ST6GALNAC3: variants seen among roughly 807,000 people sequenced by gnomAD.
ST6GALNAC3 encodes the protein alpha-N-acetylgalactosaminide alpha-2,6-sialyltransferase 3.
In ST6GALNAC3, 25 loss-of-function variants were observed where a neutral mutation model predicts 32.7. The observed-to-expected ratio is 0.76, with a 90% confidence interval of 0.56 to 1.07. The LOEUF is 1.07. Ranked by LOEUF, ST6GALNAC3 falls within the 50% of genes least tolerant of loss-of-function variation. The pLI is 0.00. For missense variants in ST6GALNAC3, 355 were observed against 382.4 expected, an observed-to-expected ratio of 0.93 and a Z score of 0.60; for synonymous variants, 129 against 133.1, an observed-to-expected ratio of 0.97 and a Z score of 0.21.
intron 3 of ST6GALNAC3, among the ~76,000 whole-genome samples, chr1:76,529,076 A>C (rs1663093492): frequency 6.6e-6 from 1 of 152,012 alleles, no homozygotes; most frequent in Non-Finnish European, 1.5e-5. Context: ...GTTGAAGATG[A>C]AGATGAAGGC....
At chr1:76,591,183 G>A (rs1468239435) in intron 3 of ST6GALNAC3, among the ~76,000 whole-genome samples, 3 of 104,754 alleles carry the variant, frequency 2.9e-5, no homozygotes, top group Admixed American at 2.8e-4. Context: ...GTGTGCGTAT[G>A]TGTGTGTGTG....
chr1:76,153,034 T>G (rs532718333), intron 1 of ST6GALNAC3, among the ~76,000 whole-genome samples: 1 of 152,312 alleles, frequency 6.6e-6, no homozygotes, highest in East Asian at 1.9e-4. Flanking sequence ...ATGCACGTTT[T>G]GAAGATATTG....
At chr1:76,565,835 T>A (rs1415678921) in intron 3 of ST6GALNAC3, among the ~76,000 whole-genome samples, 1 of 152,140 alleles carries the variant, frequency 6.6e-6, no homozygotes, top group Admixed American at 6.5e-5. Flanking sequence ...CCTGGAACAA[T>A]GTAGGGGTGA....
At chr1:76,540,528 T>A (rs1663926575) in intron 3 of ST6GALNAC3, among the ~76,000 whole-genome samples, 1 of 152,088 alleles carries the variant, frequency 6.6e-6, no homozygotes, top group Admixed American at 6.5e-5. Context: ...AATCATAAAT[T>A]TAATTTTGGG....
chr1:76,621,388 A>T (rs1476008995), intron 3 of ST6GALNAC3, among the ~76,000 whole-genome samples: 1 of 151,998 alleles, frequency 6.6e-6, no homozygotes, highest in Non-Finnish European at 1.5e-5. Context: ...GTTTTTATTT[A>T]TTTGAAAAGT....
chr1:76,182,296 C>T (rs977449356), intron 1 of ST6GALNAC3, among the ~76,000 whole-genome samples: 1 of 152,180 alleles, frequency 6.6e-6, no homozygotes, highest in African/African-American at 2.4e-5. Flanking sequence ...TGGGCAGCCA[C>T]TCTTAAGAGA....
At chr1:76,598,385 A>G (rs1647171585) in intron 3 of ST6GALNAC3, among the ~76,000 whole-genome samples, 1 of 152,138 alleles carries the variant, frequency 6.6e-6, no homozygotes, top group African/African-American at 2.4e-5. Context: ...ATGTACTTCC[A>G]TCCATCTCAC....
At chr1:76,241,331 C>T (rs753234578) in intron 1 of ST6GALNAC3, among the ~76,000 whole-genome samples, 3 of 152,170 alleles carry the variant, frequency 2.0e-5, no homozygotes, top group Non-Finnish European at 2.9e-5. Flanking sequence ...TGATGAGGCC[C>T]ACAAACTGCT....
At chr1:76,576,529 G>C (rs1280443147) in intron 3 of ST6GALNAC3, among the ~76,000 whole-genome samples, 1 of 152,028 alleles carries the variant, frequency 6.6e-6, no homozygotes, top group Admixed American at 6.6e-5. Flanking sequence ...GACACATGCA[G>C]GTAATAACAC....
At chr1:76,277,522 TTA>T (rs1659200715) in intron 1 of ST6GALNAC3, among the ~76,000 whole-genome samples, 1 of 97,876 alleles carries the variant, frequency 1.0e-5, no homozygotes, top group Non-Finnish European at 1.9e-5. Flanking sequence ...ATGTATATGT[TTA>T]TGTGTATATA....
chr1:76,489,086 C>A (rs540398236), intron 3 of ST6GALNAC3, among the ~76,000 whole-genome samples: 3 of 152,184 alleles, frequency 2.0e-5, no homozygotes, highest in Non-Finnish European at 4.4e-5. Context: ...TGCCTGGCAT[C>A]GTACTTGGAA....
In ST6GALNAC3 at chr1:76,486,300, A is replaced by C. The variant is rs200939925; in HGVS notation, c.623+73883A>C. Reference sequence around the variant, plus strand: ...TCCTTGTTAACCTTCTGTCTCATTGATCTGTCTAATGTTGACAGTGGGGTG... The same window carrying C: ...TCCTTGTTAACCTTCTGTCTCATTGCTCTGTCTAATGTTGACAGTGGGGTG... On this transcript the variant is annotated intron_variant, in intron 3 of 4. Transcript: ENST00000328299. Among the ~76,000 whole-genome samples the C allele has an allele frequency of 6.1e-4, 83 of 137,134 alleles. No individual in the cohort carries two copies. The East Asian group carries it at 0.016, about 27-fold the overall frequency. 90.0% of individuals were successfully genotyped at this position (137,134 alleles called of 152,430 possible). A position where few individuals can be genotyped will look rare whatever the true frequency, so the allele number is the denominator to read the frequency against.
chr1:76,594,343 C>A (rs910481326), intron 3 of ST6GALNAC3, among the ~76,000 whole-genome samples: 2 of 152,068 alleles, frequency 1.3e-5, no homozygotes, highest in Admixed American at 6.6e-5. Context: ...GAAGAATACA[C>A]CTCATCTACC....
At chr1:76,555,959 C>T (rs1390325294) in intron 3 of ST6GALNAC3, among the ~76,000 whole-genome samples, 2 of 151,982 alleles carry the variant, frequency 1.3e-5, no homozygotes, top group Admixed American at 1.3e-4. Flanking sequence ...GTTGTGCAAC[C>T]ATCACTGCAA....
chr1:76,291,218 CA>C (rs1385997784), intron 1 of ST6GALNAC3, among the ~76,000 whole-genome samples: 1 of 152,212 alleles, frequency 6.6e-6, no homozygotes, highest in African/African-American at 2.4e-5. Flanking sequence ...CAGTATTTTA[CA>C]ACGGCATATC....
chr1:76,201,822 C>A (rs1295142734), intron 1 of ST6GALNAC3, among the ~76,000 whole-genome samples: 1 of 152,152 alleles, frequency 6.6e-6, no homozygotes, highest in Admixed American at 6.5e-5. Context: ...AACAGAAAGA[C>A]ATACAAAAAG....
chr1:76,172,326 T>C (rs1231588672), intron 1 of ST6GALNAC3, among the ~76,000 whole-genome samples: 2 of 152,170 alleles, frequency 1.3e-5, no homozygotes, highest in Non-Finnish European at 2.9e-5. Context: ...TAGGTGTTGA[T>C]GGAATATATC....
At chr1:76,082,262 A>C (rs1308735549) in intron 1 of ST6GALNAC3, among the ~76,000 whole-genome samples, 1 of 152,226 alleles carries the variant, frequency 6.6e-6, no homozygotes, top group Non-Finnish European at 1.5e-5. Context: ...GAGTAGATTT[A>C]CAAGTGCTAC....
chr1:76,124,122 A>C (rs1170081171), intron 1 of ST6GALNAC3, among the ~76,000 whole-genome samples: 1 of 152,044 alleles, frequency 6.6e-6, no homozygotes, highest in Non-Finnish European at 1.5e-5. Context: ...AAAAATGAAA[A>C]GAAAAGAAAA....
Sources: allele counts gnomAD v4.1 joint callset (sites outside exome capture counted in the v4.1 genomes callset), GRCh38; gene constraint gnomAD v4.1.1; transcripts MANE v1.5; gene names NCBI Gene and HGNC (gene_info 2026-07-23, HGNC 2026-07-21).